Variants in NRG2 observed in about 807,000 individuals in gnomAD.
The protein encoded by NRG2 is neuregulin 2, also known as pro-neuregulin-2, membrane-bound isoform.
NRG2 carries 27 observed loss-of-function variants against 73.9 expected under a neutral mutation model. The observed-to-expected ratio is 0.37, with a 90% CI of 0.27 to 0.50. The LOEUF (loss-of-function observed/expected upper bound fraction) is 0.50, where lower values mean the gene tolerates loss of function less well. Among genes scored for constraint, NRG2 ranks in the 20% least tolerant of loss-of-function variants. The pLI is 0.96. For missense variants in NRG2, 1,126 were observed against 1,210.1 expected (o/e 0.93, Z 1.03); for synonymous variants, 532 against 541.0 (o/e 0.98, Z 0.23).
At chr5:139,866,548 A>G (rs1762479133) in intron 4 of NRG2, among the ~76,000 whole-genome samples, 2 of 152,196 alleles carry the variant, frequency 1.3e-5, no homozygotes, top group Non-Finnish European at 2.9e-5. Context: ...TCAGGTAGCA[A>G]GGACCACAAA....
At chr5:139,976,604 A>G (rs1756402184) in intron 1 of NRG2, among the ~76,000 whole-genome samples, 1 of 152,142 alleles carries the variant, frequency 6.6e-6, no homozygotes, top group Non-Finnish European at 1.5e-5. Flanking sequence ...TCTGGGACAG[A>G]CTCACTGGGT....
intron 1 of NRG2, among the ~76,000 whole-genome samples, chr5:139,935,884 G>A (rs1175935905): frequency 6.6e-6 from 1 of 151,302 alleles, no homozygotes; most frequent in Non-Finnish European, 1.5e-5. Flanking sequence ...GCTTGAACCT[G>A]GGAGGTGGAG....
intron 1 of NRG2, among the ~76,000 whole-genome samples, chr5:139,987,324 C>A (rs1354625606): frequency 1.6e-4 from 24 of 145,870 alleles, no homozygotes; most frequent in Admixed American, 1.6e-3. Context: ...GCTGAGATCG[C>A]GCCACTGCGC....
At position 139,899,593 on chromosome 5, in the gene NRG2, T is replaced by C. The variant is rs114032576; in HGVS notation, c.701-12082A>G. Among the ~76,000 whole-genome samples, 239 of 152,322 alleles carry C rather than the reference T, an allele frequency of 1.6e-3. 2 individuals are homozygous for C. Among genetic ancestry groups the C allele is most frequent in the South Asian group, 1.2e-3 (6 of 4,822 alleles). On this transcript the variant is annotated intron_variant, in intron 1 of 9. Transcript: ENST00000361474. ...CAGGCTCAAGGCCTCAGTGCTACCCTCCTCTGTCAGTGTTCATGGCTCCTG... is the reference window on the plus strand; with the variant it reads ...CAGGCTCAAGGCCTCAGTGCTACCCCCCTCTGTCAGTGTTCATGGCTCCTG...
intron 1 of NRG2, among the ~76,000 whole-genome samples, chr5:139,940,569 C>G (rs1753314816): frequency 6.6e-6 from 1 of 152,136 alleles, no homozygotes; most frequent in South Asian, 2.1e-4. Flanking sequence ...AATGAGGCAG[C>G]TCTACAAGGT....
intron 1 of NRG2, among the ~76,000 whole-genome samples, chr5:139,950,200 C>T (rs763751289): frequency 2.6e-5 from 4 of 152,234 alleles, no homozygotes; most frequent in Non-Finnish European, 4.4e-5. Flanking sequence ...GTGAGCCACA[C>T]ACCACAGACC....
chr5:139,988,531 G>C (rs775201463), intron 1 of NRG2, among the ~76,000 whole-genome samples: 12 of 152,106 alleles, frequency 7.9e-5, no homozygotes, highest in Non-Finnish European at 1.3e-4. Context: ...AAGGAAAGAA[G>C]CCAATTGAAA....
rs1754491979 is a variant in NRG2, at chr5:139,954,773, C to T, written c.701-67262G>A. 6.6e-6 allele frequency among the ~76,000 whole-genome samples: 1 copy of T among 152,256 alleles called. No homozygotes were observed. Among genetic ancestry groups the T allele is most frequent in the Admixed American group, 6.5e-5 (1 of 15,288 alleles). The stretch of plus-strand genomic sequence containing the variant: ...ATTGTTATTCCCCTTTTACATTCCA[C>T]TCACCTGTGAAATTGGGAGAGTAAT... On this transcript the variant is annotated intron_variant, in intron 1 of 9. Transcript: ENST00000361474. This position sits in a 1 kb window ranked among gnomAD's most constrained non-coding sequence, Gnocchi z 5.0.
Position 139,856,234 on chromosome 5 carries a change from C to A in NRG2, c.1190-456G>T. ...CTTCCTGGCAGTGATCATGGGAATG[C>A]CTTTGTTTACCCCTGCAGCCTGGTC... On this transcript the variant is annotated intron_variant, in intron 5 of 9. Coordinates refer to ENST00000361474, the MANE Select transcript of NRG2 (RefSeq NM_004883.3). The surrounding 1 kb of genome is among the most constrained non-coding windows in gnomAD (Gnocchi z 4.2). 1 of 179,714 alleles carries A rather than the reference C, an allele frequency of 5.6e-6. No individual in the cohort carries two copies. The highest frequency in any genetic ancestry group is 1.2e-5 in the Non-Finnish European group (1 of 83,028). 11.1% of individuals were successfully genotyped at this position (179,714 alleles called of 1,614,324 possible). A position where few individuals can be genotyped will look rare whatever the true frequency, so the allele number is the denominator to read the frequency against.
At chr5:139,973,674 A>G (rs538779567) in intron 1 of NRG2, among the ~76,000 whole-genome samples, 1 of 152,314 alleles carries the variant, frequency 6.6e-6, no homozygotes, top group East Asian at 1.9e-4. Context: ...TGTTCCTCAT[A>G]TACTTGTATT....
Position 140,043,025 on chromosome 5 carries a change from C to T in NRG2, c.45G>A (p.Glu15=). 6.3e-7 allele frequency: 1 copy of T among 1,575,998 alleles called. No individual in the cohort carries two copies. The highest frequency in any genetic ancestry group is 8.6e-7 in the Non-Finnish European group (1 of 1,167,600). The change falls in exon 1 of 10, where the codon GAG becomes GAA. Residue 15 remains glutamate (E), a synonymous_variant. Coordinates refer to ENST00000361474, the MANE Select transcript of NRG2 (RefSeq NM_004883.3). This position sits in a 1 kb window ranked among gnomAD's most constrained non-coding sequence, Gnocchi z 6.7. ...CCSALPPPPL[E]KGRCSSYSDS... is the part of the protein sequence containing the mutation. The stretch of plus-strand genomic sequence containing the variant: ...CGCTGTAGCTGCTGCACCGACCCTT[C>T]TCCAGTGGCGGCGGCGGCAGCGCTG...
At chr5:139,891,138 G>A (rs988388007) in intron 1 of NRG2, among the ~76,000 whole-genome samples, 2 of 152,208 alleles carry the variant, frequency 1.3e-5, no homozygotes, top group Non-Finnish European at 1.5e-5. Context: ...GGGGGATGGC[G>A]GTGGCCGCTG....
chr5:139,893,647 C>T (rs1286609454), intron 1 of NRG2, among the ~76,000 whole-genome samples: 2 of 152,180 alleles, frequency 1.3e-5, no homozygotes, highest in Admixed American at 6.5e-5. Context: ...AGACCAAGCA[C>T]CCTCTGCTGA....
chr5:140,009,692 T>G (rs534621275), intron 1 of NRG2, among the ~76,000 whole-genome samples: 1 of 152,192 alleles, frequency 6.6e-6, no homozygotes, highest in Non-Finnish European at 1.5e-5. Context: ...CTGCCAAAAT[T>G]TGGAAGTAAC....
Position 140,008,805 on chromosome 5 carries a change from G to A in NRG2, c.700+33565C>T, listed in dbSNP as rs868520365. Among the ~76,000 whole-genome samples the A allele has an allele frequency of 3.9e-5, 6 of 152,154 alleles. No individual in the cohort carries two copies. The highest frequency in any genetic ancestry group is 6.5e-5 in the Admixed American group (1 of 15,270). On this transcript the variant is annotated intron_variant, in intron 1 of 9. Transcript: ENST00000361474. This position sits in a 1 kb window ranked among gnomAD's most constrained non-coding sequence, Gnocchi z 4.2. ...CAAGGAGGTATAGTACTATGGTTAG[G>A]ATATAGGCTCAGAAATCAGACAGGC...
intron 1 of NRG2, among the ~76,000 whole-genome samples, chr5:140,035,257 T>C (rs1011482304): frequency 1.3e-5 from 2 of 152,252 alleles, no homozygotes; most frequent in Non-Finnish European, 2.9e-5. Context: ...CTCTGATTAT[T>C]GGAAACCCTT....
At chr5:139,879,364 C>T (rs1397092100) in intron 3 of NRG2, among the ~76,000 whole-genome samples, 1 of 152,126 alleles carries the variant, frequency 6.6e-6, no homozygotes, top group East Asian at 1.9e-4. Context: ...GGAGTGGAGC[C>T]CTAGCTGGGA....
At chr5:139,961,150 G>A (rs1024119758) in intron 1 of NRG2, among the ~76,000 whole-genome samples, 4 of 152,220 alleles carry the variant, frequency 2.6e-5, no homozygotes, top group South Asian at 2.1e-4. Context: ...GGCTGTTTAC[G>A]GTTCTTGCCT....
At position 139,847,834 on chromosome 5, in the gene NRG2, TTCC is replaced by T. The variant is rs1581752127; in HGVS notation, c.*80_*82del. The T allele has an allele frequency of 2.6e-6, 2 of 759,652 alleles. No homozygotes were observed. The highest frequency in any genetic ancestry group is 3.4e-5 in the East Asian group (1 of 29,322). The allele number at this position is 759,652 out of a possible 1,614,324, so 47.1% of individuals were successfully genotyped here. A position where few individuals can be genotyped will look rare whatever the true frequency, so the allele number is the denominator to read the frequency against. ...AAATAAAAATATTTTTATTTCTTTT[TTCC>T]TCCTTTCTCTCCAGTAGGCGGTCTC... On this transcript the variant is annotated 3_prime_UTR_variant, in exon 10 of 10. Coordinates refer to ENST00000361474, the MANE Select transcript of NRG2 (RefSeq NM_004883.3).
Sources: allele counts gnomAD v4.1 joint callset (sites outside exome capture counted in the v4.1 genomes callset), GRCh38; gene constraint gnomAD v4.1.1; non-coding constraint Gnocchi (gnomAD v3.1); transcripts MANE v1.5; gene names NCBI Gene and HGNC (gene_info 2026-07-23, HGNC 2026-07-21).